The following MCF2L variants were observed in gnomAD, a reference collection of about 807,000 sequenced individuals.
The protein encoded by MCF2L is MCF.2 cell line derived transforming sequence like, also known as guanine nucleotide exchange factor DBS.
In MCF2L, 97 loss-of-function variants were observed where a neutral mutation model predicts 153.4. That is an observed-to-expected ratio of 0.63 (90% CI 0.54 to 0.75). MCF2L has a LOEUF of 0.75. Among genes scored for constraint, MCF2L ranks in the 30% least tolerant of loss-of-function variants. The pLI is 0.00. For missense variants in MCF2L, 1,347 were observed against 1,495.2 expected (o/e 0.90, Z 1.64); for synonymous variants, 659 against 632.2 (o/e 1.04, Z -0.64).
chr13:112,996,414 G>A (rs1318054634), intron 1 of MCF2L, among the ~76,000 whole-genome samples: 5 of 152,332 alleles, frequency 3.3e-5, no homozygotes, highest in Admixed American at 2.0e-4. Flanking sequence ...TAGTGACCCC[G>A]ACACGCCAGG....
chr13:112,920,896 G>T (rs899729244), intron 2 of MCF2L, among the ~76,000 whole-genome samples: 1 of 152,090 alleles, frequency 6.6e-6, no homozygotes, highest in Admixed American at 6.6e-5. Context: ...GGCCAGGCGC[G>T]GTGGCTCAAG....
chr13:112,944,738 G>C (rs961320751), intron 2 of MCF2L, among the ~76,000 whole-genome samples: 3 of 151,996 alleles, frequency 2.0e-5, no homozygotes, highest in African/African-American at 7.2e-5. Flanking sequence ...CGCCCGCCTC[G>C]GCCTCCCAAA....
chr13:113,013,960 G>C (rs1005746262), intron 1 of MCF2L, among the ~76,000 whole-genome samples: 1 of 149,960 alleles, frequency 6.7e-6, no homozygotes, highest in African/African-American at 2.5e-5. Flanking sequence ...CCCATGCTCC[G>C]AGCTGATGCT....
intron 1 of MCF2L, among the ~76,000 whole-genome samples, chr13:112,899,301 T>A (rs1216535442): frequency 6.6e-6 from 1 of 152,172 alleles, no homozygotes; most frequent in African/African-American, 2.4e-5. Flanking sequence ...GGTCCAGCCT[T>A]CGGCCTTCAC....
At position 113,086,337 on chromosome 13, in the gene MCF2L, C is replaced by T. The variant is rs116314864; in HGVS notation, c.2373+88C>T. On this transcript the variant is annotated intron_variant, in intron 21 of 29. Coordinates refer to ENST00000535094, the MANE Select transcript of MCF2L (RefSeq NM_001112732.3). ...TGGCGGCCTCCCTGCACACGCCCCT[C>T]GCTTTGGTGTGAATGTGCAGGTTCT... 296 of 1,550,644 alleles carry T rather than the reference C, an allele frequency of 1.9e-4. No homozygotes were observed. In the East Asian group the frequency reaches 4.8e-3, roughly 25 times the overall value.
chr13:112,921,892 T>C (rs1185850403), intron 2 of MCF2L, among the ~76,000 whole-genome samples: 1 of 151,924 alleles, frequency 6.6e-6, no homozygotes, highest in African/African-American at 2.4e-5. Flanking sequence ...TCAATACTTA[T>C]ATCAGTAAAA....
chr13:112,902,310 T>A (rs779057593), exon 2 of MCF2L: 15 of 1,612,922 alleles, frequency 9.3e-6, no homozygotes, highest in Non-Finnish European at 1.2e-5. Context: ...ATCACCAAAT[T>A]GATGTGTCTG....
At chr13:112,975,728 T>C (rs2082191201) in intron 1 of MCF2L, among the ~76,000 whole-genome samples, 2 of 152,192 alleles carry the variant, frequency 1.3e-5, no homozygotes, top group Non-Finnish European at 2.9e-5. Context: ...TAATGAAGTA[T>C]GTGGGGATTT....
intron 2 of MCF2L, among the ~76,000 whole-genome samples, chr13:113,017,210 T>C (rs1308893550): frequency 5.3e-5 from 8 of 152,222 alleles, no homozygotes; most frequent in East Asian, 1.9e-4. Flanking sequence ...GTTCCTGCCA[T>C]GAAGCCCCCT....
At position 113,096,679 on chromosome 13, in the gene MCF2L, C is replaced by T. The variant is rs895422426; in HGVS notation, c.3292+26C>T. 2.6e-6 allele frequency: 4 copies of T among 1,566,556 alleles called. No individual in the cohort carries two copies. In the African/African-American group the frequency reaches 4.1e-5, roughly 16 times the overall value. ...GTAAGGCCCACGTGCCCCGAGCCCA[C>T]CCGTGACGCTGCCAAGGGCCCGGGC... On this transcript the variant is annotated intron_variant, in intron 29 of 29. Transcript: ENST00000535094.
At chr13:112,968,151 G>GGT (rs1555355501), upstream of MCF2L, among the ~76,000 whole-genome samples, 1 of 143,760 alleles carries the variant, frequency 7.0e-6, no homozygotes, top group Non-Finnish European at 1.6e-5. Context: ...GTGGGGGGGG[G>GGT]GGTCTTGCTA....
intron 3 of MCF2L, chr13:113,044,298 T>G: frequency 3.2e-6 from 1 of 311,364 alleles, no homozygotes; most frequent in Non-Finnish European, 6.3e-6. Context: ...CGTTCGGGGG[T>G]CACTGCCTCG....
chr13:112,933,807 G>T (rs545811415), intron 2 of MCF2L, among the ~76,000 whole-genome samples: 1 of 152,188 alleles, frequency 6.6e-6, no homozygotes, highest in South Asian at 2.1e-4. Flanking sequence ...TGTCCCTGAC[G>T]GCTCTGCCCT....
At chr13:113,011,676 G>C (rs78098297) in intron 1 of MCF2L, among the ~76,000 whole-genome samples, 1 of 140,902 alleles carries the variant, frequency 7.1e-6, no homozygotes, top group African/African-American at 2.6e-5. Context: ...TGATGCAGAC[G>C]GTGGACAGGC....
In MCF2L at chr13:112,951,519, A is replaced by G. The variant is rs191248996; in HGVS notation, c.169+49148A>G. On this transcript the variant is annotated intron_variant, in intron 2 of 29. Transcript: ENST00000375608. This position sits in a 1 kb window ranked among gnomAD's most constrained non-coding sequence, Gnocchi z 4.8. ...CCATGAACTATTGATACCTGTGACA[A>G]CCTGGATGAACTCTCCAGAGAATTA... Among the ~76,000 whole-genome samples, 406 of 152,358 alleles carry G rather than the reference A, an allele frequency of 2.7e-3. 2 individuals carry two copies. The highest frequency in any genetic ancestry group is 9.2e-3 in the African/African-American group (381 of 41,588).
chr13:113,020,166 C>T (rs559935902), intron 2 of MCF2L, among the ~76,000 whole-genome samples: 1 of 152,300 alleles, frequency 6.6e-6, no homozygotes, highest in African/African-American at 2.4e-5. Context: ...TAAGATTTTT[C>T]TACCCGACAG....
chr13:112,942,885 T>G (rs1594361855), intron 2 of MCF2L, among the ~76,000 whole-genome samples: 1 of 152,176 alleles, frequency 6.6e-6, no homozygotes, highest in African/African-American at 2.4e-5. Context: ...CATCCCCACA[T>G]GCCAGCAGAG....
rs566438562 is a variant in MCF2L at position 113,085,296 on chromosome 13, C to T, written c.2247+118C>T. On this transcript the variant is annotated intron_variant, in intron 20 of 29. Coordinates refer to ENST00000535094, the MANE Select transcript of MCF2L (RefSeq NM_001112732.3). ...CCCTCCCAGGCCAAGGGCACCTCTT[C>T]CGAGCCTGTGCTGAGGCTGGGATGC... 134 of 796,606 alleles carry T rather than the reference C, an allele frequency of 1.7e-4. No individual in the cohort carries two copies. In the African/African-American group the frequency reaches 2.0e-3, roughly 12 times the overall value. 49.3% of individuals were successfully genotyped at this position (796,606 alleles called of 1,614,324 possible). A position where few individuals can be genotyped will look rare whatever the true frequency, so the allele number is the denominator to read the frequency against.
At chr13:112,986,169 C>A (rs1364106658) in intron 1 of MCF2L, among the ~76,000 whole-genome samples, 1 of 150,196 alleles carries the variant, frequency 6.7e-6, no homozygotes, top group Non-Finnish European at 1.5e-5. Context: ...CTGGCATGAC[C>A]TGCGGTCGGG....
Sources: gnomAD v4.1 joint callset for allele counts (sites outside exome capture counted in the v4.1 genomes callset) on GRCh38, gnomAD v4.1.1 for gene constraint, Gnocchi (gnomAD v3.1) non-coding constraint, MANE v1.5 for transcripts, NCBI Gene and HGNC (gene_info 2026-07-23, HGNC 2026-07-21) for gene names.